NBEA: variants seen among roughly 807,000 people sequenced by gnomAD.
NBEA encodes neurobeachin, also known as lysosomal-trafficking regulator 2.
Under a neutral mutation model 343.4 loss-of-function variants are expected in NBEA, and 44 were observed. The ratio of observed to expected loss-of-function variants is 0.13; its 90% CI spans 0.10 to 0.16. The LOEUF is 0.16. NBEA is among the 10% of genes least tolerant of loss of function. The pLI is 1.00. For missense variants in NBEA, 2,555 were observed against 3,631.3 expected (o/e 0.70, Z 7.62); for synonymous variants, 1,175 against 1,238.7 (o/e 0.95, Z 1.08).
In NBEA at chr13:35,424,627, C is replaced by G. The variant is rs545431896; in HGVS notation, c.6180-7642C>G. ...AAAATTCTCTTTTTCAGTTGGGTCT[C>G]TGCCAGGCTTTGGTATCAGGATGAT... On this transcript the variant is annotated intron_variant, in intron 38 of 58. Coordinates refer to ENST00000379939, the MANE Select transcript of NBEA (RefSeq NM_001385012.1). Among the ~76,000 whole-genome samples, 6 of 152,286 alleles carry G rather than the reference C, an allele frequency of 3.9e-5. No individual in the cohort carries two copies. The East Asian group carries it at 1.2e-3, about 29-fold the overall frequency.
At chr13:35,444,644 T>G (rs180814077) in intron 39 of NBEA, among the ~76,000 whole-genome samples, 1 of 151,988 alleles carries the variant, frequency 6.6e-6, no homozygotes, top group Non-Finnish European at 1.5e-5. Flanking sequence ...AAAATAAAAT[T>G]AGACCAGATT....
chr13:35,603,536 A>C (rs1163952986), intron 47 of NBEA, among the ~76,000 whole-genome samples: 1 of 152,228 alleles, frequency 6.6e-6, no homozygotes, highest in African/African-American at 2.4e-5. Flanking sequence ...GGGAAATAAT[A>C]TATGAAAAAC....
chr13:35,114,733 A>G (rs2066409780), intron 13 of NBEA, among the ~76,000 whole-genome samples: 1 of 152,230 alleles, frequency 6.6e-6, no homozygotes, highest in Non-Finnish European at 1.5e-5. Flanking sequence ...AATGAAAATG[A>G]CAGGAAAGTG....
intron 40 of NBEA, among the ~76,000 whole-genome samples, chr13:35,469,925 G>C (rs889323013): frequency 2.6e-5 from 4 of 152,096 alleles, no homozygotes; most frequent in African/African-American, 9.7e-5. Context: ...TTTTAATATC[G>C]GATCCCTAAA....
At chr13:35,017,828 C>T (rs941499585) in intron 1 of NBEA, among the ~76,000 whole-genome samples, 6 of 151,868 alleles carry the variant, frequency 4.0e-5, no homozygotes, top group East Asian at 1.9e-4. Context: ...CCTTTTGTGG[C>T]TTACTTAAAA....
chr13:35,062,432 A>G (rs2063501104), intron 8 of NBEA, among the ~76,000 whole-genome samples: 2 of 151,752 alleles, frequency 1.3e-5, no homozygotes, highest in African/African-American at 2.4e-5. Flanking sequence ...TATTTGAATA[A>G]ATGATGTTAG....
intron 48 of NBEA, among the ~76,000 whole-genome samples, chr13:35,621,922 A>G (rs1281228464): frequency 2.0e-5 from 3 of 152,220 alleles, no homozygotes; most frequent in African/African-American, 7.2e-5. Context: ...TGAAGTGCTA[A>G]TTGGCAATCA....
intron 36 of NBEA, among the ~76,000 whole-genome samples, chr13:35,339,136 G>T (rs2039437582): frequency 6.6e-6 from 1 of 152,014 alleles, no homozygotes; most frequent in South Asian, 2.1e-4. Context: ...ACATTATACT[G>T]CAGGTTCTAG....
At chr13:35,552,223 G>A (rs1190642859) in intron 43 of NBEA, among the ~76,000 whole-genome samples, 1 of 152,166 alleles carries the variant, frequency 6.6e-6, no homozygotes, top group Non-Finnish European at 1.5e-5. Flanking sequence ...CTGAAAGACA[G>A]GGACTGTGTT....
Position 35,465,000 on chromosome 13 carries a change from C to T in NBEA, c.6449-7400C>T, listed in dbSNP as rs186266169. ...AGCAAGTTATACACTAGGAAAAATA[C>T]GATAGTCATAAAATTATGCCATTTA... On this transcript the variant is annotated intron_variant, in intron 40 of 58. Transcript: ENST00000379939. Among the ~76,000 whole-genome samples, 32 of 152,078 alleles carry T rather than the reference C, an allele frequency of 2.1e-4. 1 individual carries two copies. In the East Asian group the frequency reaches 5.2e-3, roughly 25 times the overall value.
chr13:35,121,658 A>ATTCT (rs941801997), intron 16 of NBEA, among the ~76,000 whole-genome samples: 3 of 152,130 alleles, frequency 2.0e-5, no homozygotes, highest in African/African-American at 7.2e-5. Context: ...CTCATAGTTT[A>ATTCT]TTCTTTAATA....
chr13:35,156,279 A>C, intron 20 of NBEA, 73 bp downstream of exon 20: 1 of 1,384,128 alleles, frequency 7.2e-7, no homozygotes, highest in Non-Finnish European at 9.6e-7. Flanking sequence ...TTTTCAATTC[A>C]TTTCAAATCT....
chr13:35,623,291 C>T (rs1257769980), intron 48 of NBEA, among the ~76,000 whole-genome samples: 2 of 152,102 alleles, frequency 1.3e-5, no homozygotes, highest in African/African-American at 4.8e-5. Flanking sequence ...ATACCAATGA[C>T]CGGTCAATAC....
intron 23 of NBEA, 108 bp from the exon 24 acceptor site, chr13:35,164,248 A>G (rs988332653): frequency 1.9e-5 from 17 of 911,622 alleles, no homozygotes; most frequent in Middle Eastern, 7.0e-4. Context: ...TTAATTTTAA[A>G]TATAGCTAGC....
At chr13:35,076,489 TTTC>T (rs1371260455) in intron 10 of NBEA, among the ~76,000 whole-genome samples, 4 of 152,036 alleles carry the variant, frequency 2.6e-5, no homozygotes, top group Admixed American at 2.6e-4. Flanking sequence ...CAAATAGCTT[TTTC>T]TTCTTTTTAA....
chr13:35,220,348 A>G (rs1487920458), intron 33 of NBEA, among the ~76,000 whole-genome samples: 1 of 152,036 alleles, frequency 6.6e-6, no homozygotes, highest in Admixed American at 6.6e-5. Context: ...CTAGTATCAT[A>G]TTTCTTCTTC....
chr13:35,450,612 C>A (rs920165667), intron 39 of NBEA, among the ~76,000 whole-genome samples: 4 of 152,174 alleles, frequency 2.6e-5, no homozygotes. Flanking sequence ...GGCATGACAT[C>A]ATTTGGAGAG....
intron 10 of NBEA, among the ~76,000 whole-genome samples, chr13:35,089,320 C>T (rs1271306600): frequency 6.6e-6 from 1 of 150,810 alleles, no homozygotes; most frequent in Admixed American, 6.6e-5. Flanking sequence ...TGCTCATCAT[C>T]ACTGGCCATC....
intron 43 of NBEA, 66 bp downstream of exon 43, chr13:35,551,098 AT>A (rs1381704374): frequency 4.3e-6 from 4 of 928,508 alleles, no homozygotes; most frequent in African/African-American, 3.3e-5. Flanking sequence ...TATTACAGCA[AT>A]GTAAATGTGG....
Sources: gnomAD v4.1 joint callset for allele counts (sites outside exome capture counted in the v4.1 genomes callset) on GRCh38, gnomAD v4.1.1 for gene constraint, MANE v1.5 for transcripts, NCBI Gene and HGNC (gene_info 2026-07-23, HGNC 2026-07-21) for gene names.